The following EML6 variants were observed in gnomAD, a reference collection of about 807,000 sequenced individuals.
EML6 encodes echinoderm microtubule-associated protein-like 6.
EML6 carries 154 observed loss-of-function variants against 240.1 expected under a neutral mutation model. That is an observed-to-expected ratio of 0.64 (90% CI 0.56 to 0.73). The LOEUF (loss-of-function observed/expected upper bound fraction) is 0.73. Ranked by LOEUF, EML6 falls within the 30% of genes least tolerant of loss-of-function variation. EML6 has a pLI of 0.00. For synonymous variants in EML6, 1,148 were observed against 899.0 expected (o/e 1.28, Z -4.95); for missense variants, 2,964 against 2,474.6 (o/e 1.20, Z -4.20).
At chr2:54,882,289 T>TTTTTTTC (rs139746296) in intron 17 of EML6, 3 of 145,462 alleles carry the variant, frequency 2.1e-5, no homozygotes, top group African/African-American at 7.8e-5. Context: ...TTTTTTTTTT[T>TTTTTTTC]CCCTAAAGAT....
At chr2:54,911,501 C>G (rs1441648257) in intron 25 of EML6, among the ~76,000 whole-genome samples, 1 of 151,054 alleles carries the variant, frequency 6.6e-6, no homozygotes, top group African/African-American at 2.4e-5. Flanking sequence ...ACCATCTTGG[C>G]TCACTGCAAC....
Position 54,900,164 on chromosome 2 carries a change from A to G in EML6, c.3124+382A>G, listed in dbSNP as rs116061069. ...TGACTTGAAAACAAACATCAATTATATAGAAATATAATACTTAAGAAATGA... is the reference window on the plus strand; with the variant it reads ...TGACTTGAAAACAAACATCAATTATGTAGAAATATAATACTTAAGAAATGA... On this transcript the variant is annotated intron_variant, in intron 22 of 41. Coordinates refer to ENST00000356458, the MANE Select transcript of EML6 (RefSeq NM_001039753.4). Among the ~76,000 whole-genome samples, 214 of 152,340 alleles carry G rather than the reference A, an allele frequency of 1.4e-3. 1 individual carries two copies. Among genetic ancestry groups the G allele is most frequent in the African/African-American group, 5.0e-3 (206 of 41,584 alleles).
At chr2:54,864,095 T>G (rs1395507704) in intron 13 of EML6, among the ~76,000 whole-genome samples, 1 of 152,220 alleles carries the variant, frequency 6.6e-6, no homozygotes, top group Non-Finnish European at 1.5e-5. Context: ...CAGCAGAAAG[T>G]AATTGCAAAG....
chr2:54,893,979 G>A (rs1228420843), intron 19 of EML6, among the ~76,000 whole-genome samples: 1 of 152,082 alleles, frequency 6.6e-6, no homozygotes, highest in Non-Finnish European at 1.5e-5. Context: ...TTGTTGTTTG[G>A]TAAATTAAGC....
intron 25 of EML6, among the ~76,000 whole-genome samples, chr2:54,912,411 TAATTTC>T (rs904446284): frequency 2.4e-4 from 36 of 152,342 alleles, no homozygotes; most frequent in African/African-American, 8.7e-4. Context: ...TTTTTAATTT[TAATTTC>T]AGCTTTGATT....
At chr2:54,768,438 G>A (rs990364065) in intron 2 of EML6, among the ~76,000 whole-genome samples, 13 of 152,158 alleles carry the variant, frequency 8.5e-5, no homozygotes, top group Non-Finnish European at 1.5e-4. Context: ...GAGGAATTCT[G>A]AATTGGCTCT....
intron 38 of EML6, chr2:54,966,754 C>G (rs962213315): frequency 7.4e-6 from 2 of 270,634 alleles, no homozygotes; most frequent in African/African-American, 2.2e-5. Flanking sequence ...GGGAACCACA[C>G]TCAGAGAACC....
At chr2:54,851,191 T>C (rs1183429202) in intron 10 of EML6, among the ~76,000 whole-genome samples, 1 of 152,026 alleles carries the variant, frequency 6.6e-6, no homozygotes, top group Non-Finnish European at 1.5e-5. Context: ...GGTGGATCAC[T>C]TGAGGTCAGG....
chr2:54,863,627 G>C (rs989003560), intron 12 of EML6, among the ~76,000 whole-genome samples, 156 bp from the exon 13 acceptor site: 1 of 152,068 alleles, frequency 6.6e-6, no homozygotes, highest in African/African-American at 2.4e-5. Flanking sequence ...TAAACCAAAA[G>C]GTGAAAGAAA....
At chr2:54,966,953 G>T in intron 38 of EML6, 47 bp from the exon 39 acceptor site, 1 of 1,275,944 alleles carries the variant, frequency 7.8e-7, no homozygotes, top group Non-Finnish European at 1.1e-6. Flanking sequence ...GGAGTCTGTG[G>T]GACTGAGAAA....
intron 2 of EML6, among the ~76,000 whole-genome samples, chr2:54,729,396 A>G (rs1245410173): frequency 3.3e-5 from 5 of 152,252 alleles, no homozygotes; most frequent in Non-Finnish European, 1.5e-5. Context: ...GTAAGCGTAT[A>G]TAAGACTCTT....
intron 2 of EML6, among the ~76,000 whole-genome samples, chr2:54,786,379 C>A (rs2103874922): frequency 6.6e-6 from 1 of 152,226 alleles, no homozygotes; most frequent in Non-Finnish European, 1.5e-5. Context: ...TTTACATAAG[C>A]AGAAAGTCAC....
intron 26 of EML6, among the ~76,000 whole-genome samples, chr2:54,923,739 A>T (rs908576665): frequency 6.6e-5 from 10 of 152,178 alleles, no homozygotes; most frequent in African/African-American, 2.4e-4. Flanking sequence ...TCTTATGAAG[A>T]TACATACGCC....
chr2:54,737,575 A>G (rs1471543544), intron 2 of EML6, among the ~76,000 whole-genome samples: 1 of 152,188 alleles, frequency 6.6e-6, no homozygotes, highest in Non-Finnish European at 1.5e-5. Flanking sequence ...GTCTTCTTCA[A>G]GGCATCTTTT....
chr2:54,799,115 C>T (rs1465690604), intron 2 of EML6, among the ~76,000 whole-genome samples: 1 of 152,164 alleles, frequency 6.6e-6, no homozygotes, highest in Non-Finnish European at 1.5e-5. Context: ...GGCTGGAGTG[C>T]AGTGGCACCA....
At chr2:54,855,346 T>C (rs1670314781) in intron 11 of EML6, among the ~76,000 whole-genome samples, 1 of 152,002 alleles carries the variant, frequency 6.6e-6, no homozygotes, top group Non-Finnish European at 1.5e-5. Flanking sequence ...TTCCTACACT[T>C]GTGAGCAAGC....
chr2:54,963,964 A>C, intron 36 of EML6, 22 bp from the exon 37 acceptor site: 1 of 1,540,350 alleles, frequency 6.5e-7, no homozygotes, highest in Non-Finnish European at 8.8e-7. Flanking sequence ...AGCTCAGGTG[A>C]CTTTCCTTTG....
chr2:54,790,005 G>A (rs1488658649), intron 2 of EML6, among the ~76,000 whole-genome samples: 1 of 152,170 alleles, frequency 6.6e-6, no homozygotes, highest in Non-Finnish European at 1.5e-5. Context: ...TATATGTGTT[G>A]TATTTTTAAA....
rs1266500991 is a variant in EML6 at position 54,724,819 on chromosome 2, C to T, written c.-243C>T. ...GCCGGCGCCCCCAGAGCCGCCTTGC[C>T]CGGGTAGAGGGAGCCCGGCGCCCGG... is the stretch of plus-strand genomic sequence containing the variant. On this transcript the variant is annotated 5_prime_UTR_variant, in exon 2 of 42. Transcript: ENST00000356458. The surrounding 1 kb of genome is among the most constrained non-coding windows in gnomAD (Gnocchi z 5.2). 6.0e-6 allele frequency: 1 copy of T among 166,528 alleles called. No homozygotes were observed. The highest frequency in any genetic ancestry group is 2.4e-5 in the African/African-American group (1 of 41,644). 10.3% of individuals were successfully genotyped at this position (166,528 alleles called of 1,614,324 possible).
Sources: allele counts gnomAD v4.1 joint callset (sites outside exome capture counted in the v4.1 genomes callset), GRCh38; gene constraint gnomAD v4.1.1; non-coding constraint Gnocchi (gnomAD v3.1); transcripts MANE v1.5; gene names NCBI Gene and HGNC (gene_info 2026-07-23, HGNC 2026-07-21).